CPS1: variants seen among roughly 807,000 people sequenced by gnomAD.
CPS1 encodes carbamoyl-phosphate synthase 1, also known as carbamoyl-phosphate synthase [ammonia], mitochondrial.
CPS1 carries 109 observed loss-of-function variants against 174.6 expected under a neutral mutation model. That is an observed-to-expected ratio of 0.62 (90% CI 0.53 to 0.73). The LOEUF is 0.73. Among genes scored for constraint, CPS1 ranks in the 30% least tolerant of loss-of-function variants. The pLI, the probability that CPS1 is intolerant of heterozygous loss-of-function variation, is 0.00. For synonymous variants in CPS1, 637 were observed against 632.0 expected (o/e 1.01, Z -0.12); for missense variants, 1,689 against 1,821.9 (o/e 0.93, Z 1.33).
chr2:210,536,879 A>C (rs907092070), intron 1 of CPS1, among the ~76,000 whole-genome samples: 1 of 152,226 alleles, frequency 6.6e-6, no homozygotes, highest in East Asian at 1.9e-4. Context: ...CTTAGATTAA[A>C]GTTAAATAGT....
At position 210,599,522 on chromosome 2, in the gene CPS1, T is replaced by C. The variant is rs774505289; in HGVS notation, c.1510T>C (p.Leu504=). The C allele has an allele frequency of 6.2e-7, 1 of 1,612,466 alleles. No homozygotes were observed. Among genetic ancestry groups the C allele is most frequent in the Admixed American group, 1.7e-5 (1 of 59,808 alleles). Residue 504 remains leucine (L), a synonymous_variant, in exon 14 of 38, where the codon TTA becomes CTA. Coordinates refer to ENST00000233072, the MANE Select transcript of CPS1 (RefSeq NM_001875.5). ...CATCAAGGCAGAACAGCCAGATGGG[T>C]TAATTCTGGGCATGGGTGGCCAGAC... ...EVIKAEQPDG[L]ILGMGGQTAL...
chr2:210,546,350 A>C (rs1370821692), intron 1 of CPS1, among the ~76,000 whole-genome samples: 1 of 152,138 alleles, frequency 6.6e-6, no homozygotes. Flanking sequence ...AGCAAACAAA[A>C]GCCTAAAGCT....
chr2:210,478,407 C>CA (rs1694463944), intron 1 of CPS1, among the ~76,000 whole-genome samples: 1 of 152,224 alleles, frequency 6.6e-6, no homozygotes, highest in Non-Finnish European at 1.5e-5. Context: ...ACCTGTTAGA[C>CA]AATTGGGCTT....
chr2:210,660,246 C>A (rs1700872496), intron 31 of CPS1, among the ~76,000 whole-genome samples: 1 of 152,052 alleles, frequency 6.6e-6, no homozygotes, highest in Non-Finnish European at 1.5e-5. Context: ...TAAACTAAAC[C>A]TGTCAGCAGT....
chr2:210,650,533 T>C, intron 28 of CPS1, 95 bp downstream of exon 28: 1 of 920,466 alleles, frequency 1.1e-6, no homozygotes, highest in Non-Finnish European at 1.8e-6. Context: ...TATCTCTTAA[T>C]GCAACCTTAC....
At chr2:210,509,700 A>T (rs549479421) in intron 1 of CPS1, among the ~76,000 whole-genome samples, 1 of 152,198 alleles carries the variant, frequency 6.6e-6, no homozygotes, top group Non-Finnish European at 1.5e-5. Context: ...TACAAAATCA[A>T]TGTGCAAAAA....
At chr2:210,590,685 C>A in intron 8 of CPS1, 115 bp from the exon 9 acceptor site, 1 of 753,268 alleles carries the variant, frequency 1.3e-6, no homozygotes, top group Non-Finnish European at 2.3e-6. Flanking sequence ...TTCTTTAATT[C>A]AGTTACTATT....
At chr2:210,676,295 G>A (rs547222623) in intron 36 of CPS1, among the ~76,000 whole-genome samples, 2 of 152,298 alleles carry the variant, frequency 1.3e-5, no homozygotes, top group South Asian at 4.2e-4. Flanking sequence ...GTCATTCCTT[G>A]ACCAGGTTTT....
At chr2:210,676,971 G>A in intron 36 of CPS1, 36 bp from the exon 37 acceptor site, 3 of 1,600,928 alleles carry the variant, frequency 1.9e-6, no homozygotes, top group Non-Finnish European at 2.6e-6. Flanking sequence ...TATAAAATAT[G>A]CCTTGTTGTC....
intron 1 of CPS1, among the ~76,000 whole-genome samples, chr2:210,524,187 CTGACCATT>C (rs1695910410): frequency 6.6e-6 from 1 of 151,948 alleles, no homozygotes; most frequent in South Asian, 2.1e-4. Flanking sequence ...TTATGGGTCT[CTGACCATT>C]CAGGGTTCTC....
At chr2:210,605,628 C>A (rs1269180373) in intron 17 of CPS1, among the ~76,000 whole-genome samples, 4 of 151,710 alleles carry the variant, frequency 2.6e-5, no homozygotes, top group Non-Finnish European at 4.4e-5. Flanking sequence ...ATAAGTTTTT[C>A]AGAAAAGTAC....
At chr2:210,503,704 G>T (rs1426324965) in intron 1 of CPS1, among the ~76,000 whole-genome samples, 1 of 152,108 alleles carries the variant, frequency 6.6e-6, no homozygotes, top group East Asian at 1.9e-4. Flanking sequence ...ACACATTCAG[G>T]TTACAATGGA....
intron 21 of CPS1, among the ~76,000 whole-genome samples, chr2:210,630,239 G>A (rs899863678): frequency 6.6e-6 from 1 of 152,066 alleles, no homozygotes; most frequent in Non-Finnish European, 1.5e-5. Context: ...TACTAAATGA[G>A]TGGCTTTACC....
chr2:210,605,011 C>T, intron 16 of CPS1, 91 bp from the exon 17 acceptor site: 1 of 1,432,080 alleles, frequency 7.0e-7, no homozygotes, highest in Non-Finnish European at 9.7e-7. Flanking sequence ...TCAGTGCTGA[C>T]CAGGATTTAT....
At chr2:210,584,452 G>A (rs900297231) in intron 6 of CPS1, among the ~76,000 whole-genome samples, 1 of 152,030 alleles carries the variant, frequency 6.6e-6, no homozygotes, top group Non-Finnish European at 1.5e-5. Flanking sequence ...ATGTACATGT[G>A]GACGCAAAAT....
At chr2:210,558,725 A>G (rs770886042) in intron 1 of CPS1, among the ~76,000 whole-genome samples, 2 of 152,034 alleles carry the variant, frequency 1.3e-5, no homozygotes, top group Non-Finnish European at 2.9e-5. Flanking sequence ...CTCCAAGATC[A>G]CAATAAGTGC....
intron 28 of CPS1, 85 bp downstream of exon 28, chr2:210,650,523 TATC>T: frequency 2.1e-6 from 2 of 973,014 alleles, no homozygotes; most frequent in Non-Finnish European, 3.3e-6. Context: ...TAGTGACATT[TATC>T]TCTTAATGCA....
chr2:210,645,580 A>G (rs1486302251), intron 25 of CPS1, among the ~76,000 whole-genome samples: 1 of 152,104 alleles, frequency 6.6e-6, no homozygotes, highest in South Asian at 2.1e-4. Context: ...AGATCACTTG[A>G]GGCCAGGAGT....
At chr2:210,600,122 A>G (rs1698661734) in intron 14 of CPS1, among the ~76,000 whole-genome samples, 1 of 151,864 alleles carries the variant, frequency 6.6e-6, no homozygotes, top group African/African-American at 2.4e-5. Context: ...CAAAAAAAAA[A>G]AAAGGACTAA....
Sources: allele counts gnomAD v4.1 joint callset (sites outside exome capture counted in the v4.1 genomes callset), GRCh38; gene constraint gnomAD v4.1.1; transcripts MANE v1.5; gene names NCBI Gene and HGNC (gene_info 2026-07-23, HGNC 2026-07-21).